Variants in CBR4 observed in about 807,000 individuals in gnomAD.
CBR4 encodes the protein 3-oxoacyl-[acyl-carrier-protein] reductase.
Under a neutral mutation model 21.0 loss-of-function variants are expected in CBR4, and 22 were observed. That is an observed-to-expected ratio of 1.05 (90% CI 0.75 to 1.50). The LOEUF is 1.50. Among genes scored for constraint, CBR4 ranks in the 40% most tolerant of loss-of-function variants. The probability of loss-of-function intolerance (pLI) is 0.00; values close to 1 mark genes in which losing one functional copy is unlikely to be tolerated. For missense variants in CBR4, 302 were observed against 286.3 expected (o/e 1.05, Z -0.40); for synonymous variants, 100 against 104.4 (o/e 0.96, Z 0.26).
intron 2 of CBR4, among the ~76,000 whole-genome samples, chr4:168,897,028 A>G (rs1035729294): frequency 1.3e-5 from 2 of 151,978 alleles, no homozygotes; most frequent in Admixed American, 1.3e-4. Flanking sequence ...ATGGGGTTTC[A>G]CCATGTTGGT....
chr4:168,956,488 T>C (rs1466724928), intron 2 of CBR4, among the ~76,000 whole-genome samples: 2 of 149,084 alleles, frequency 1.3e-5, no homozygotes, highest in African/African-American at 2.5e-5. Context: ...GTCCCAGCTA[T>C]GTAGGAGGCT....
chr4:169,005,837 C>T (rs903687884), intron 3 of CBR4: 21 of 1,248,240 alleles, frequency 1.7e-5, no homozygotes, highest in African/African-American at 3.1e-5. Flanking sequence ...ACTCTAAATT[C>T]TGGCTTGAAA....
At chr4:168,970,592 C>G (rs1304972844) in intron 2 of CBR4, among the ~76,000 whole-genome samples, 1 of 152,102 alleles carries the variant, frequency 6.6e-6, no homozygotes, top group Non-Finnish European at 1.5e-5. Context: ...ATCACCTGAG[C>G]AGTGTACACT....
At chr4:168,971,642 G>C (rs6831613) in intron 2 of CBR4, among the ~76,000 whole-genome samples, 102,431 of 151,772 alleles carry the variant, frequency 0.67, 36,484 homozygotes, top group East Asian at 0.96. Context: ...CTTTATGATA[G>C]GATTATTTGT....
At chr4:168,938,568 C>G (rs1763175180) in intron 2 of CBR4, among the ~76,000 whole-genome samples, 1 of 151,996 alleles carries the variant, frequency 6.6e-6, no homozygotes, top group Non-Finnish European at 1.5e-5. Flanking sequence ...ACTAGCCAGG[C>G]TACTAAAGAA....
At chr4:168,909,620 T>G (rs1338772114) in intron 2 of CBR4, among the ~76,000 whole-genome samples, 1 of 152,188 alleles carries the variant, frequency 6.6e-6, no homozygotes, top group Non-Finnish European at 1.5e-5. Flanking sequence ...CCTTCCATTA[T>G]TCTTATGTTC....
chr4:168,903,094 T>A (rs1184305416), intron 2 of CBR4, among the ~76,000 whole-genome samples: 10 of 152,206 alleles, frequency 6.6e-5, no homozygotes, highest in Admixed American at 6.5e-4. Context: ...CCAAGTTACA[T>A]ATCTGAAAAT....
At chr4:169,001,920 T>A (rs1730477568) in intron 4 of CBR4, 151 bp downstream of exon 4, 1 of 684,376 alleles carries the variant, frequency 1.5e-6, no homozygotes, top group Non-Finnish European at 2.2e-6. Context: ...GTACAAAAAA[T>A]TTTTTTGAGT....
chr4:168,957,765 T>C (rs1159655714), intron 2 of CBR4, among the ~76,000 whole-genome samples: 3 of 152,170 alleles, frequency 2.0e-5, no homozygotes, highest in Non-Finnish European at 4.4e-5. Flanking sequence ...CCAAATGTTA[T>C]CTTGAACTGT....
chr4:168,910,123 C>A (rs781052359), intron 2 of CBR4, among the ~76,000 whole-genome samples: 2 of 151,478 alleles, frequency 1.3e-5, no homozygotes, highest in African/African-American at 4.9e-5. Flanking sequence ...TATTCTGTGG[C>A]AATATTTGTA....
At position 168,988,549 on chromosome 4, in the gene CBR4, T is replaced by C; in HGVS notation, c.*1601A>G. 1.0e-6 allele frequency: 1 copy of C among 985,412 alleles called. No individual in the cohort carries two copies. The highest frequency in any genetic ancestry group is 1.2e-6 in the Non-Finnish European group (1 of 829,914). 61.0% of individuals were successfully genotyped at this position (985,412 alleles called of 1,614,324 possible). A position where few individuals can be genotyped will look rare whatever the true frequency, so the allele number is the denominator to read the frequency against. ...CATTAGAGAAACTATCTACTATGTC[T>C]GAATAAGCTCCCCTACCTTACAAGC... On this transcript the variant is annotated 3_prime_UTR_variant, in exon 5 of 5. Coordinates refer to ENST00000306193, the MANE Select transcript of CBR4 (RefSeq NM_032783.5).
At position 168,989,342 on chromosome 4, in the gene CBR4, A is replaced by T; in HGVS notation, c.*808T>A. On this transcript the variant is annotated 3_prime_UTR_variant, in exon 5 of 5. Coordinates refer to ENST00000306193, the MANE Select transcript of CBR4 (RefSeq NM_032783.5). Reference sequence around the variant, plus strand: ...CTACTGTACCAGGTATTAAAACCTTAAGGGCTAATCCTCTTCACTTATGAG... The same window carrying T: ...CTACTGTACCAGGTATTAAAACCTTTAGGGCTAATCCTCTTCACTTATGAG... 1 of 985,396 alleles carries T rather than the reference A, an allele frequency of 1.0e-6. No homozygotes were observed. The highest frequency in any genetic ancestry group is 1.2e-6 in the Non-Finnish European group (1 of 829,880). 61.0% of individuals were successfully genotyped at this position (985,396 alleles called of 1,614,324 possible).
rs768485147 is a variant in CBR4, at chr4:168,894,641, T to G, written n.294A>C. On this transcript the variant is annotated non_coding_transcript_exon_variant, in exon 3 of 4. Coordinates refer to the CBR4 transcript ENST00000509108. The stretch of plus-strand genomic sequence containing the variant: ...TAGGTGCTGACAGTGCAACTGTCTT[T>G]AATATTCAGGAGCCAGAAGAGGAAA... The G allele has an allele frequency of 3.7e-5, 60 of 1,613,696 alleles. No individual in the cohort carries two copies. The highest frequency in any genetic ancestry group is 4.7e-5 in the Non-Finnish European group (55 of 1,179,782).
intron 2 of CBR4, among the ~76,000 whole-genome samples, chr4:168,939,067 A>G (rs1763188526): frequency 1.3e-5 from 2 of 152,242 alleles, no homozygotes; most frequent in Admixed American, 1.3e-4. Flanking sequence ...TGGCAGACAG[A>G]ATCCAGCAGC....
At chr4:169,002,247 A>G in intron 3 of CBR4, 42 bp from the exon 4 acceptor site, 2 of 1,368,958 alleles carry the variant, frequency 1.5e-6, no homozygotes, top group Non-Finnish European at 1.9e-6. Flanking sequence ...AGCGTATTAA[A>G]TTCAATTAAT....
intron 2 of CBR4, among the ~76,000 whole-genome samples, chr4:168,919,582 AAGTT>A (rs1761006983): frequency 6.6e-6 from 1 of 152,058 alleles, no homozygotes; most frequent in South Asian, 2.1e-4. Flanking sequence ...GAAAAAAAAA[AAGTT>A]AGTGTATTTA....
intron 2 of CBR4, among the ~76,000 whole-genome samples, chr4:168,928,625 A>ATTCT (rs2126643940): frequency 6.6e-6 from 1 of 152,232 alleles, no homozygotes; most frequent in South Asian, 2.1e-4. Flanking sequence ...GCTGGACTGT[A>ATTCT]TTCTCATCTG....
chr4:168,961,010 TG>T (rs1275332391), intron 2 of CBR4, among the ~76,000 whole-genome samples: 1 of 152,200 alleles, frequency 6.6e-6, no homozygotes, highest in Non-Finnish European at 1.5e-5. Flanking sequence ...GAGAATTTGA[TG>T]GGGACAGCCA....
chr4:169,007,815 C>T (rs1474416942), intron 1 of CBR4, 59 bp from the exon 2 acceptor site: 3 of 1,285,854 alleles, frequency 2.3e-6, no homozygotes, highest in African/African-American at 1.5e-5. Flanking sequence ...TTACTCAATA[C>T]ACATTTGTTA....
Sources: gnomAD v4.1 joint callset for allele counts (sites outside exome capture counted in the v4.1 genomes callset) on GRCh38, gnomAD v4.1.1 for gene constraint, MANE v1.5 for transcripts, NCBI Gene and HGNC (gene_info 2026-07-23, HGNC 2026-07-21) for gene names.